The following NTM variants were observed in gnomAD, a reference collection of about 807,000 sequenced individuals.
NTM encodes the protein IgLON family member 2.
NTM carries 13 observed loss-of-function variants against 42.1 expected under a neutral mutation model. That is an observed-to-expected ratio of 0.31 (90% CI 0.20 to 0.49). The LOEUF (loss-of-function observed/expected upper bound fraction) is 0.49. Among genes scored for constraint, NTM ranks in the 20% least tolerant of loss-of-function variants. The probability of loss-of-function intolerance (pLI) is 0.99; values close to 1 mark genes in which losing one functional copy is unlikely to be tolerated. For synonymous variants in NTM, 187 were observed against 179.2 expected, an observed-to-expected ratio of 1.04 and a Z score of -0.35; for missense variants, 373 against 452.8, an observed-to-expected ratio of 0.82 and a Z score of 1.60.
intron 1 of NTM, among the ~76,000 whole-genome samples, chr11:131,847,692 G>T (rs761892540): frequency 1.2e-4 from 18 of 152,026 alleles, no homozygotes; most frequent in Non-Finnish European, 2.4e-4. Context: ...CCCTAGTCAT[G>T]CCTCAGAGCT....
chr11:132,072,248 C>T (rs2057777653), intron 2 of NTM, among the ~76,000 whole-genome samples: 1 of 152,196 alleles, frequency 6.6e-6, no homozygotes, highest in African/African-American at 2.4e-5. Context: ...ACATCATTGC[C>T]TTTTGAATAC....
chr11:131,525,580 C>T (rs1223740384), intron 1 of NTM, among the ~76,000 whole-genome samples: 3 of 152,204 alleles, frequency 2.0e-5, no homozygotes, highest in African/African-American at 7.2e-5. Context: ...AATACATTCA[C>T]AGACTGGTGT....
intron 1 of NTM, among the ~76,000 whole-genome samples, chr11:131,405,289 C>A (rs1257874668): frequency 6.6e-6 from 1 of 152,192 alleles, no homozygotes; most frequent in Non-Finnish European, 1.5e-5. Context: ...AGACCTTCCC[C>A]ATGAACTTCA....
At chr11:131,886,151 TG>T (rs1316737889) in intron 1 of NTM, among the ~76,000 whole-genome samples, 1 of 152,206 alleles carries the variant, frequency 6.6e-6, no homozygotes, top group Non-Finnish European at 1.5e-5. Context: ...AGCCAGTGCC[TG>T]AGTTTGATTT....
intron 1 of NTM, among the ~76,000 whole-genome samples, chr11:131,482,405 A>C (rs1015220500): frequency 3.3e-5 from 5 of 152,178 alleles, no homozygotes; most frequent in Non-Finnish European, 5.9e-5. Flanking sequence ...TTCATGGGCA[A>C]AAATTGTTTC....
chr11:131,472,241 TC>T (rs1253516481), intron 1 of NTM, among the ~76,000 whole-genome samples: 2 of 152,164 alleles, frequency 1.3e-5, no homozygotes. Flanking sequence ...ACACTGGGTA[TC>T]CCCCCTGCAT....
At chr11:131,448,798 G>C (rs529049089) in intron 1 of NTM, among the ~76,000 whole-genome samples, 1 of 152,376 alleles carries the variant, frequency 6.6e-6, no homozygotes, top group African/African-American at 2.4e-5. Flanking sequence ...AGTGATGTTG[G>C]TGACCCGGAA....
chr11:131,529,789 T>G (rs1034136157), intron 1 of NTM, among the ~76,000 whole-genome samples: 1 of 152,208 alleles, frequency 6.6e-6, no homozygotes, highest in African/African-American at 2.4e-5. Context: ...GGACTTGATA[T>G]TCTTTGCAAA....
chr11:132,281,093 C>T (rs1191042283), intron 4 of NTM, among the ~76,000 whole-genome samples: 2 of 152,164 alleles, frequency 1.3e-5, no homozygotes, highest in Non-Finnish European at 2.9e-5. Context: ...GCATATGCTG[C>T]TTTGAAAGTG....
chr11:132,066,723 AT>A (rs1170903121), intron 2 of NTM, among the ~76,000 whole-genome samples: 1 of 152,004 alleles, frequency 6.6e-6, no homozygotes, highest in Non-Finnish European at 1.5e-5. Flanking sequence ...GCATATTCAC[AT>A]TGCTTTCTCT....
intron 1 of NTM, among the ~76,000 whole-genome samples, chr11:131,688,753 G>C (rs2074266886): frequency 6.6e-6 from 1 of 152,192 alleles, no homozygotes; most frequent in Non-Finnish European, 1.5e-5. Flanking sequence ...GCTGCTCCTA[G>C]AGATCAGACA....
intron 1 of NTM, among the ~76,000 whole-genome samples, chr11:131,686,667 T>C (rs1353106777): frequency 6.6e-6 from 1 of 152,188 alleles, no homozygotes; most frequent in East Asian, 1.9e-4. Context: ...CAAATCATGT[T>C]GTTCAAGGGT....
intron 1 of NTM, among the ~76,000 whole-genome samples, chr11:131,456,722 G>A (rs534625666): frequency 2.0e-5 from 3 of 152,290 alleles, no homozygotes; most frequent in African/African-American, 7.2e-5. Context: ...TACTCGTAAG[G>A]GCTTGTGCAT....
chr11:132,110,797 G>A (rs2063060823), intron 2 of NTM, among the ~76,000 whole-genome samples: 1 of 151,966 alleles, frequency 6.6e-6, no homozygotes, highest in Non-Finnish European at 1.5e-5. Context: ...CACTTTGTGA[G>A]GCTGAGGTGG....
chr11:131,620,025 G>A (rs1000140623), intron 1 of NTM, among the ~76,000 whole-genome samples: 1 of 152,032 alleles, frequency 6.6e-6, no homozygotes, highest in Non-Finnish European at 1.5e-5. Context: ...GGATGGTCTT[G>A]ATCTCCTGAC....
chr11:132,169,973 T>G (rs2075890997), intron 3 of NTM, among the ~76,000 whole-genome samples: 2 of 152,172 alleles, frequency 1.3e-5, no homozygotes, highest in Non-Finnish European at 2.9e-5. Context: ...GCAGAGCCTC[T>G]GTTTAGGAAA....
At chr11:131,497,195 A>G (rs557498884) in intron 1 of NTM, among the ~76,000 whole-genome samples, 2 of 151,984 alleles carry the variant, frequency 1.3e-5, no homozygotes, top group East Asian at 1.9e-4. Flanking sequence ...TCTTTTATTT[A>G]TTTATTTTTT....
intron 1 of NTM, among the ~76,000 whole-genome samples, chr11:131,788,439 T>G (rs1022410036): frequency 1.3e-5 from 2 of 152,154 alleles, no homozygotes; most frequent in African/African-American, 4.8e-5. Flanking sequence ...TTTTGTATTT[T>G]TATTTGTAAT....
intron 4 of NTM, among the ~76,000 whole-genome samples, chr11:132,256,889 T>A (rs1241580021): frequency 6.6e-6 from 1 of 152,264 alleles, no homozygotes; most frequent in South Asian, 2.1e-4. Context: ...ATGTGTGTGT[T>A]TGTCTGGCTG....
Sources: gnomAD v4.1 joint callset for allele counts (sites outside exome capture counted in the v4.1 genomes callset) on GRCh38, gnomAD v4.1.1 for gene constraint, MANE v1.5 for transcripts, NCBI Gene and HGNC (gene_info 2026-07-23, HGNC 2026-07-21) for gene names.